The following APBB1IP variants were observed in gnomAD, a reference collection of about 807,000 sequenced individuals.
APBB1IP encodes the protein amyloid beta A4 precursor protein-binding family B member 1-interacting protein.
A neutral mutation model predicts 64.9 loss-of-function variants in APBB1IP; 27 were observed. That is an observed-to-expected ratio of 0.42 (90% CI 0.31 to 0.57). The LOEUF (loss-of-function observed/expected upper bound fraction) is 0.57, where lower values mean the gene tolerates loss of function less well. Among genes scored for constraint, APBB1IP ranks in the 20% least tolerant of loss-of-function variants. APBB1IP has a pLI of 0.20. For missense variants in APBB1IP, 812 were observed against 845.5 expected (o/e 0.96, Z 0.49); for synonymous variants, 392 against 331.0 (o/e 1.18, Z -2.00).
chr10:26,515,995 C>T (rs188747760), intron 8 of APBB1IP, among the ~76,000 whole-genome samples: 1 of 152,196 alleles, frequency 6.6e-6, no homozygotes, highest in Admixed American at 6.5e-5. Flanking sequence ...AAAGAAGTGG[C>T]CGAGGCAAGA....
intron 11 of APBB1IP, among the ~76,000 whole-genome samples, chr10:26,554,578 G>A (rs1014501262): frequency 6.6e-6 from 1 of 151,958 alleles, no homozygotes. Flanking sequence ...TTTTTTGTCG[G>A]TTTTGGTGTT....
intron 2 of APBB1IP, among the ~76,000 whole-genome samples, chr10:26,472,924 G>A (rs1235915296): frequency 7.6e-6 from 1 of 131,648 alleles, no homozygotes; most frequent in Non-Finnish European, 1.6e-5. Flanking sequence ...GCGACAGGGG[G>A]AGACTTCATC....
At chr10:26,534,088 G>A (rs1174048397) in intron 9 of APBB1IP, among the ~76,000 whole-genome samples, 1 of 151,722 alleles carries the variant, frequency 6.6e-6, no homozygotes, top group Admixed American at 6.6e-5. Flanking sequence ...ACCACTACTG[G>A]GGCGTGTTCC....
chr10:26,461,719 G>A (rs1835595316), intron 2 of APBB1IP, among the ~76,000 whole-genome samples: 1 of 151,692 alleles, frequency 6.6e-6, no homozygotes, highest in Non-Finnish European at 1.5e-5. Flanking sequence ...CCCGTAACAT[G>A]GTAGTTCCCT....
chr10:26,536,720 C>G (rs979566784), intron 10 of APBB1IP, among the ~76,000 whole-genome samples: 1 of 123,472 alleles, frequency 8.1e-6, no homozygotes, highest in South Asian at 3.2e-4. Flanking sequence ...GCCCACCCCC[C>G]ACCCCCCGCC....
At chr10:26,518,242 C>A (rs748933838) in intron 8 of APBB1IP, among the ~76,000 whole-genome samples, 1 of 144,594 alleles carries the variant, frequency 6.9e-6, no homozygotes, top group East Asian at 2.0e-4. Flanking sequence ...CATGAGCCAC[C>A]GCGCCCAGCC....
At chr10:26,458,029 T>C (rs1482819136) in intron 2 of APBB1IP, among the ~76,000 whole-genome samples, 1 of 152,200 alleles carries the variant, frequency 6.6e-6, no homozygotes, top group Non-Finnish European at 1.5e-5. Flanking sequence ...TGTCAAGCCC[T>C]TGGACAGCAG....
At chr10:26,530,834 C>T (rs1336819824) in intron 8 of APBB1IP, among the ~76,000 whole-genome samples, 2 of 152,082 alleles carry the variant, frequency 1.3e-5, no homozygotes, top group African/African-American at 4.8e-5. Flanking sequence ...GAAATAAAAT[C>T]GTATCTGTAA....
intron 13 of APBB1IP, chr10:26,561,915 T>G (rs1199697296): frequency 5.8e-6 from 1 of 172,718 alleles, no homozygotes; most frequent in Non-Finnish European, 1.3e-5. Flanking sequence ...ACTGGATAAA[T>G]ACATTTTAAA....
intron 14 of APBB1IP, among the ~76,000 whole-genome samples, chr10:26,563,286 A>G (rs1368227436): frequency 6.6e-6 from 1 of 152,094 alleles, no homozygotes; most frequent in African/African-American, 2.4e-5. Flanking sequence ...CCAGGAGTTC[A>G]AGGCTGCAGT....
intron 5 of APBB1IP, chr10:26,501,652 A>G (rs1294658075): frequency 6.5e-6 from 1 of 154,934 alleles, no homozygotes; most frequent in Non-Finnish European, 1.4e-5. Context: ...CTGAATATTG[A>G]AAAACAGACA....
chr10:26,556,162 A>T (rs1184350570), intron 11 of APBB1IP, among the ~76,000 whole-genome samples: 1 of 152,218 alleles, frequency 6.6e-6, no homozygotes, highest in African/African-American at 2.4e-5. Context: ...GGGAACAATC[A>T]AATCAATTGC....
intron 2 of APBB1IP, among the ~76,000 whole-genome samples, chr10:26,487,085 A>G (rs913745307): frequency 2.0e-5 from 3 of 150,690 alleles, no homozygotes; most frequent in Non-Finnish European, 2.9e-5. Context: ...AACTCCACCC[A>G]GTCACGATGT....
At chr10:26,560,230 G>A (rs1836949956) in intron 12 of APBB1IP, 27 bp downstream of exon 12, 1 of 1,604,068 alleles carries the variant, frequency 6.2e-7, no homozygotes, top group Admixed American at 1.7e-5. Flanking sequence ...ACTTCACCCT[G>A]TCTTGAACTT....
chr10:26,445,337 A>G (rs1190754182), intron 2 of APBB1IP, among the ~76,000 whole-genome samples: 1 of 152,246 alleles, frequency 6.6e-6, no homozygotes, highest in Non-Finnish European at 1.5e-5. Context: ...TACCTCCATA[A>G]TAATCAAAAC....
chr10:26,544,403 A>C (rs1305936670), intron 11 of APBB1IP, among the ~76,000 whole-genome samples: 1 of 152,222 alleles, frequency 6.6e-6, no homozygotes, highest in African/African-American at 2.4e-5. Flanking sequence ...CTAAATCAAA[A>C]TAATGATGGA....
At chr10:26,455,963 C>T (rs1835520254) in intron 2 of APBB1IP, among the ~76,000 whole-genome samples, 1 of 152,118 alleles carries the variant, frequency 6.6e-6, no homozygotes, top group Non-Finnish European at 1.5e-5. Flanking sequence ...TTGGATTGAA[C>T]TTTGAACACA....
At chr10:26,476,914 C>T (rs1053983284) in intron 2 of APBB1IP, among the ~76,000 whole-genome samples, 21 of 152,156 alleles carry the variant, frequency 1.4e-4, no homozygotes, top group African/African-American at 4.8e-4. Flanking sequence ...GATTCTCCTG[C>T]CTCAGCCTCC....
chr10:26,462,431 C>A lies in APBB1IP; in HGVS notation c.-1+23578C>A, dbSNP rs184555259. The stretch of plus-strand genomic sequence containing the variant: ...GAAAACACTAACCATTTCAACCTTA[C>A]TAAGAGATTTTTATCAGGAGTGGGT... On this transcript the variant is annotated intron_variant, in intron 2 of 14. Transcript: ENST00000376236. 2.6e-5 allele frequency among the ~76,000 whole-genome samples: 4 copies of A among 152,296 alleles called. No homozygotes were observed. In the East Asian group the frequency reaches 7.7e-4, roughly 29 times the overall value.
Sources: gnomAD v4.1 joint callset for allele counts (sites outside exome capture counted in the v4.1 genomes callset) on GRCh38, gnomAD v4.1.1 for gene constraint, MANE v1.5 for transcripts, NCBI Gene and HGNC (gene_info 2026-07-23, HGNC 2026-07-21) for gene names.